Variants in ADAMTSL2 observed in about 807,000 individuals in gnomAD.
The protein encoded by ADAMTSL2 is ADAMTS like 2.
Under a neutral mutation model 117.0 loss-of-function variants are expected in ADAMTSL2, and 55 were observed. The observed-to-expected ratio is 0.47, with a 90% CI of 0.38 to 0.59. ADAMTSL2 has a LOEUF of 0.59. Among genes scored for constraint, ADAMTSL2 ranks in the 20% least tolerant of loss-of-function variants. ADAMTSL2 has a pLI of 0.00. For synonymous variants in ADAMTSL2, 572 were observed against 566.4 expected (o/e 1.01, Z -0.14); for missense variants, 1,182 against 1,354.5 (o/e 0.87, Z 2.00).
chr9:133,534,778 A>G lies in ADAMTSL2; in HGVS notation c.-290A>G. On this transcript the variant is annotated 5_prime_UTR_variant, in exon 1 of 19. Transcript: ENST00000651351. ...GTGGGAGAGGGAGGCGGCGCGGGGG[A>G]GGAGGGGAAGGGGAGAGGGAGGCCG... 1.4e-6 allele frequency: 2 copies of G among 1,465,214 alleles called. No homozygotes were observed. Among genetic ancestry groups the G allele is most frequent in the South Asian group, 1.3e-5 (1 of 74,346 alleles). 90.8% of individuals were successfully genotyped at this position (1,465,214 alleles called of 1,614,324 possible).
intron 12 of ADAMTSL2, among the ~76,000 whole-genome samples, chr9:133,566,169 C>T (rs1830968219): frequency 1.3e-5 from 2 of 152,210 alleles, no homozygotes; most frequent in Non-Finnish European, 2.9e-5. Flanking sequence ...AGGCCTGGCG[C>T]GGTGGCTCAC....
chr9:133,573,759 G>T, intron 17 of ADAMTSL2, 84 bp from the exon 18 acceptor site: 1 of 1,564,086 alleles, frequency 6.4e-7, no homozygotes, highest in Admixed American at 1.7e-5. Flanking sequence ...TGGGGAAGGG[G>T]GAGTGTGCAG....
chr9:133,560,502 C>T (rs1830701629), intron 11 of ADAMTSL2, among the ~76,000 whole-genome samples: 1 of 152,218 alleles, frequency 6.6e-6, no homozygotes, highest in African/African-American at 2.4e-5. Context: ...GGCACACCTA[C>T]TGGTTCAAAG....
chr9:133,534,069 C>T (rs117458215), upstream of ADAMTSL2, among the ~76,000 whole-genome samples: 406 of 152,348 alleles, frequency 2.7e-3, no homozygotes, highest in Middle Eastern at 6.8e-3. Context: ...CAAGTTGGTG[C>T]TGGACATCTG....
At chr9:133,567,571 C>T (rs773199660) in intron 13 of ADAMTSL2, among the ~76,000 whole-genome samples, 28 of 152,194 alleles carry the variant, frequency 1.8e-4, no homozygotes, top group Admixed American at 1.3e-4. Context: ...GTGCCGGCCT[C>T]CCCCGACAAG....
At position 133,568,765 on chromosome 9, in the gene ADAMTSL2, C is replaced by A. The variant is rs1243855848; in HGVS notation, c.2244+7C>A. On this transcript the variant is annotated splice_region_variant and intron_variant, in intron 15 of 18. Coordinates refer to ENST00000651351, the MANE Select transcript of ADAMTSL2 (RefSeq NM_014694.4). Reference sequence around the variant, plus strand: ...CGTCTCCGACTGGGGACCGGTGAGGCCTGCACTGAGGGGTGGCTGGGCGTG... The same window carrying A: ...CGTCTCCGACTGGGGACCGGTGAGGACTGCACTGAGGGGTGGCTGGGCGTG... The A allele has an allele frequency of 1.2e-5, 19 of 1,612,866 alleles. No individual in the cohort carries two copies. In the East Asian group the frequency reaches 4.2e-4, roughly 36 times the overall value.
At chr9:133,567,682 C>T (rs1831006594) in intron 13 of ADAMTSL2, among the ~76,000 whole-genome samples, 1 of 152,250 alleles carries the variant, frequency 6.6e-6, no homozygotes, top group Admixed American at 6.5e-5. Flanking sequence ...CCACTTCCTG[C>T]ACGTTTGCTC....
chr9:133,536,587 C>G lies in ADAMTSL2; in HGVS notation c.-126C>G. ...GGGTCTGCCAGACAACCACGACCAACTAGTCCCAGATAACCTTGAGGCCTG... is the reference window on the plus strand; with the variant it reads ...GGGTCTGCCAGACAACCACGACCAAGTAGTCCCAGATAACCTTGAGGCCTG... On this transcript the variant is annotated 5_prime_UTR_variant, in exon 2 of 19. Transcript: ENST00000651351. 6.2e-7 allele frequency: 1 copy of G among 1,604,336 alleles called. No homozygotes were observed. Among genetic ancestry groups the G allele is most frequent in the East Asian group, 2.2e-5 (1 of 44,620 alleles).
Position 133,535,151 on chromosome 9 carries a change from C to T in ADAMTSL2, c.-151+234C>T, listed in dbSNP as rs536722575. Among the ~76,000 whole-genome samples, 23 of 152,268 alleles carry T rather than the reference C, an allele frequency of 1.5e-4. No individual in the cohort carries two copies. In the East Asian group the frequency reaches 2.9e-3, roughly 19 times the overall value. On this transcript the variant is annotated intron_variant, in intron 1 of 18. Coordinates refer to ENST00000651351, the MANE Select transcript of ADAMTSL2 (RefSeq NM_014694.4). ...GGCAGACCTCTCTGCTGCCGCCAGC[C>T]GCTGCTTTTGGACCCCAGGGAGGGA...
In ADAMTSL2 at chr9:133,534,892, A is replaced by C. The variant is rs753162566; in HGVS notation, c.-176A>C. 1.9e-5 allele frequency: 28 copies of C among 1,440,704 alleles called. No individual in the cohort carries two copies. Among genetic ancestry groups the C allele is most frequent in the Non-Finnish European group, 2.6e-5 (28 of 1,091,478 alleles). The allele number at this position is 1,440,704 out of a possible 1,614,324, so 89.2% of individuals were successfully genotyped here. A position where few individuals can be genotyped will look rare whatever the true frequency, so the allele number is the denominator to read the frequency against. On this transcript the variant is annotated 5_prime_UTR_variant, in exon 1 of 19. Transcript: ENST00000651351. ...CGCAGCGCTCGCCCCTTTCTCTGGG[A>C]GGACAACCTGCTGACCCGAAGCCAG... is the stretch of plus-strand genomic sequence containing the variant.
chr9:133,563,218 G>A (rs2131159748), intron 12 of ADAMTSL2, among the ~76,000 whole-genome samples: 1 of 152,398 alleles, frequency 6.6e-6, no homozygotes, highest in Middle Eastern at 3.4e-3. Context: ...GAGGGTGGCT[G>A]CCACCACCTG....
chr9:133,574,839 GCTCCTGCAGGCCCCCCCA>G lies in ADAMTSL2; in HGVS notation c.2837_2854del (p.Cys946_Ser951del). 6.2e-7 allele frequency: 1 copy of G among 1,613,332 alleles called. No homozygotes were observed. The highest frequency in any genetic ancestry group is 2.2e-5 in the East Asian group (1 of 44,864). ...TGGTACTACAGCAAGGCGTGCTGCCGCTCCTGCAGGCCCCCCCACTCCTAGGCCCGGCAGCTGCAGCCC... is the reference window on the plus strand; with the variant it reads ...TGGTACTACAGCAAGGCGTGCTGCCGCTCCTAGGCCCGGCAGCTGCAGCCC... On this transcript the variant is annotated inframe_deletion, in exon 19 of 19. Coordinates refer to ENST00000651351, the MANE Select transcript of ADAMTSL2 (RefSeq NM_014694.4).
chr9:133,556,028 A>G, intron 11 of ADAMTSL2, 98 bp downstream of exon 11: 1 of 1,469,478 alleles, frequency 6.8e-7, no homozygotes, highest in Non-Finnish European at 9.2e-7. Context: ...GGGTCTGGCC[A>G]GAAGGGCTGA....
intron 3 of ADAMTSL2, among the ~76,000 whole-genome samples, chr9:133,537,894 G>A (rs1830092194): frequency 6.6e-6 from 1 of 152,354 alleles, no homozygotes; most frequent in African/African-American, 2.4e-5. Flanking sequence ...CCCGGGAGAA[G>A]CAGAGGACTG....
chr9:133,544,439 G>A (rs754879429), intron 7 of ADAMTSL2, 31 bp from the exon 8 acceptor site: 107 of 1,582,288 alleles, frequency 6.8e-5, no homozygotes, highest in Non-Finnish European at 8.7e-5. Context: ...TTCCAATCAA[G>A]AGGGGCTCAC....
Position 133,566,340 on chromosome 9 carries a change from C to A in ADAMTSL2, c.1748-596C>A, listed in dbSNP as rs1414616028. On this transcript the variant is annotated intron_variant, in intron 12 of 18. Transcript: ENST00000651351. ...CCTGTAATCCCAGCTACTCGGGAGG[C>A]TGAGGCAGGAGAATTGCTTGAACCC... is the stretch of plus-strand genomic sequence containing the variant. Among the ~76,000 whole-genome samples the A allele has an allele frequency of 3.3e-5, 5 of 152,274 alleles. No homozygotes were observed. The East Asian group carries it at 9.7e-4, about 29-fold the overall frequency.
Position 133,554,976 on chromosome 9 carries a change from G to A in ADAMTSL2, c.1276+283G>A, listed in dbSNP as rs1830572134. ...TTGGCCAAGTCATGCAGTCCACCGT[G>A]GAGGAGCTGGGAGTCAAATGCAGGA... On this transcript the variant is annotated intron_variant, in intron 10 of 18. Coordinates refer to ENST00000651351, the MANE Select transcript of ADAMTSL2 (RefSeq NM_014694.4). The surrounding 1 kb of genome is among the most constrained non-coding windows in gnomAD (Gnocchi z 5.2). Among the ~76,000 whole-genome samples the A allele has an allele frequency of 6.6e-6, 1 of 152,120 alleles. No homozygotes were observed. Among genetic ancestry groups the A allele is most frequent in the South Asian group, 2.1e-4 (1 of 4,826 alleles).
rs1015093678 is a variant in ADAMTSL2 at position 133,570,309 on chromosome 9, G to A, written c.2416-22G>A. ...TCCTGCTGGGCCCTGGCGCTGACCC[G>A]CTCCCTCTGCCCCGGCCTCAGTGCA... On this transcript the variant is annotated intron_variant, in intron 16 of 18. Transcript: ENST00000651351. 4.3e-5 allele frequency: 66 copies of A among 1,538,604 alleles called. No individual in the cohort carries two copies. In the African/African-American group the frequency reaches 4.8e-4, roughly 11 times the overall value.
chr9:133,535,315 G>A (rs1258196441), intron 1 of ADAMTSL2, among the ~76,000 whole-genome samples: 6 of 151,886 alleles, frequency 4.0e-5, no homozygotes, highest in African/African-American at 1.5e-4. Flanking sequence ...ATGGCACAGT[G>A]GAGGGGGCTC....
Sources: gnomAD v4.1 joint callset for allele counts (sites outside exome capture counted in the v4.1 genomes callset) on GRCh38, gnomAD v4.1.1 for gene constraint, Gnocchi (gnomAD v3.1) non-coding constraint, MANE v1.5 for transcripts, NCBI Gene and HGNC (gene_info 2026-07-23, HGNC 2026-07-21) for gene names.